Variants in MYH10 observed in about 807,000 individuals in gnomAD.
MYH10 encodes the protein myosin heavy chain 10, also known as myosin-10.
MYH10 carries 55 observed loss-of-function variants against 257.8 expected under a neutral mutation model. The ratio of observed to expected loss-of-function variants is 0.21; its 90% CI spans 0.17 to 0.27. MYH10 has a LOEUF of 0.27. MYH10 is among the 10% of genes least tolerant of loss of function. MYH10 has a pLI of 1.00. For missense variants in MYH10, 1,631 were observed against 2,500.6 expected (o/e 0.65, Z 7.42); for synonymous variants, 854 against 921.7 (o/e 0.93, Z 1.33).
At chr17:8,527,490 A>G (rs1200545672) in intron 17 of MYH10, among the ~76,000 whole-genome samples, 3 of 152,078 alleles carry the variant, frequency 2.0e-5, no homozygotes, top group Admixed American at 6.5e-5. Context: ...CATGTCCCCA[A>G]CTCATGCTGA....
At chr17:8,526,692 T>C (rs551054438) in intron 17 of MYH10, among the ~76,000 whole-genome samples, 32 of 152,224 alleles carry the variant, frequency 2.1e-4, no homozygotes, top group Non-Finnish European at 3.8e-4. Context: ...AACAGTTTCA[T>C]AGAAGGAATG....
Position 8,481,348 on chromosome 17 carries a change from G to A in MYH10, c.5238C>T (p.Asp1746=), listed in dbSNP as rs201394166. ...TGCCAGAGGCGCTGTTGGTGATCTC[G>A]TCCGCCAGCTCATCTCTCTCCTGCT... ...HAEQERDELA[D]EITNSASGKS... is the part of the protein sequence containing the mutation. Residue 1746 remains aspartate, a synonymous_variant, in exon 38 of 43, where the codon GAC becomes GAT. Coordinates refer to ENST00000360416, the MANE Select transcript of MYH10 (RefSeq NM_001256012.3). 2.9e-4 allele frequency: 465 copies of A among 1,613,906 alleles called. No homozygotes were observed. Among genetic ancestry groups the A allele is most frequent in the Non-Finnish European group, 3.9e-4 (459 of 1,180,026 alleles).
In MYH10 at chr17:8,476,966, G is replaced by A. The variant is rs766555239; in HGVS notation, c.5789C>T (p.Ser1930Phe). The A allele has an allele frequency of 5.0e-6, 8 of 1,614,112 alleles. No homozygotes were observed. In the East Asian group the frequency reaches 1.8e-4, roughly 36 times the overall value. The change falls in exon 42 of 43, where the codon TCT (serine) becomes TTT (phenylalanine). Residue 1930 changes from serine to phenylalanine, a missense_variant. Around this residue, in one of 11 missense-constraint regions of MYH10, gnomAD observed 343 missense variants for 389.5 expected, o/e 0.88. Coordinates refer to ENST00000360416, the MANE Select transcript of MYH10 (RefSeq NM_001256012.3). The part of the protein sequence containing the change: ...AEEEATRANA[S>F]RRKLQRELDD... ...CAGTTCCCGCTGGAGTTTACGCCGA[G>A]ATGCGTTGGCACGCGTCGCTTCTTC...
chr17:8,516,085 G>C (rs1181115639), intron 21 of MYH10, among the ~76,000 whole-genome samples: 1 of 152,170 alleles, frequency 6.6e-6, no homozygotes, highest in African/African-American at 2.4e-5. Context: ...AGTGGAATGA[G>C]GCAGCTGGTT....
At chr17:8,611,193 G>A (rs2085025424) in intron 2 of MYH10, among the ~76,000 whole-genome samples, 1 of 152,140 alleles carries the variant, frequency 6.6e-6, no homozygotes, top group Non-Finnish European at 1.5e-5. Context: ...TAAGAGTTAA[G>A]ACTATATGAG....
chr17:8,492,887 CA>C lies in MYH10; in HGVS notation c.4346del (p.Leu1449ArgfsTer40), dbSNP rs1339797844. The C allele has an allele frequency of 1.2e-6, 2 of 1,614,096 alleles. No homozygotes were observed. The highest frequency in any genetic ancestry group is 8.5e-7 in the Non-Finnish European group (1 of 1,180,006). On this transcript the variant is annotated frameshift_variant, in exon 33 of 43. Transcript: ENST00000360416. LOFTEE classifies it high-confidence loss of function. Reference sequence around the variant, plus strand: ...GCTGCAGGCGGTTCTTGGTCTTCTCCAGTTTGTCATACGCCAGTGCCTTCTC... The same window carrying C: ...GCTGCAGGCGGTTCTTGGTCTTCTCCGTTTGTCATACGCCAGTGCCTTCTC... ...LEEKALAYDK[L>X]EKTKNRLQQE...
intron 2 of MYH10, among the ~76,000 whole-genome samples, chr17:8,615,909 A>C (rs529971064): frequency 6.6e-6 from 1 of 152,228 alleles, no homozygotes; most frequent in Admixed American, 6.5e-5. Flanking sequence ...GACTGATACA[A>C]GGATGCCTCT....
intron 25 of MYH10, among the ~76,000 whole-genome samples, chr17:8,509,500 CCA>C (rs1252609523): frequency 5.3e-5 from 8 of 152,178 alleles, no homozygotes; most frequent in Non-Finnish European, 1.5e-5. Flanking sequence ...ATTCAGAGTC[CCA>C]CAGTCAATGG....
intron 7 of MYH10, among the ~76,000 whole-genome samples, chr17:8,557,626 T>C (rs79752231): frequency 0.051 from 7,697 of 152,226 alleles, 261 homozygotes; most frequent in Non-Finnish European, 0.078. Context: ...CAGAGGTGCA[T>C]TCCATGAAGG....
At chr17:8,486,799 T>C (rs1313626561) in intron 36 of MYH10, among the ~76,000 whole-genome samples, 2 of 152,192 alleles carry the variant, frequency 1.3e-5, no homozygotes, top group Admixed American at 6.5e-5. Context: ...TAGCAGTCCA[T>C]TGACATTTAG....
At chr17:8,595,177 G>A (rs2152059766) in intron 3 of MYH10, among the ~76,000 whole-genome samples, 1 of 152,272 alleles carries the variant, frequency 6.6e-6, no homozygotes, top group South Asian at 2.1e-4. Context: ...ATGACTATAG[G>A]ACATTCTCGA....
At chr17:8,489,786 G>C (rs879375079) in intron 35 of MYH10, among the ~76,000 whole-genome samples, 4 of 150,500 alleles carry the variant, frequency 2.7e-5, no homozygotes, top group Non-Finnish European at 5.9e-5. Context: ...GGAAGGGACT[G>C]GCAAAATACC....
intron 40 of MYH10, among the ~76,000 whole-genome samples, chr17:8,479,510 G>T (rs1159497624): frequency 6.6e-6 from 1 of 152,210 alleles, no homozygotes; most frequent in African/African-American, 2.4e-5. Context: ...GGAGTGGGAA[G>T]TCCTGGCACG....
chr17:8,604,501 C>T (rs937395660), intron 3 of MYH10, among the ~76,000 whole-genome samples: 1 of 152,110 alleles, frequency 6.6e-6, no homozygotes, highest in Admixed American at 6.5e-5. Context: ...ATTATTCTTC[C>T]TATTGGTTTT....
intron 4 of MYH10, 70 bp downstream of exon 4, chr17:8,589,011 C>A (rs972135048): frequency 4.1e-6 from 6 of 1,479,440 alleles, no homozygotes; most frequent in Admixed American, 3.4e-5. Flanking sequence ...TCCCCTCCCC[C>A]CAGACAAAAA....
chr17:8,505,749 G>A (rs1268013750), intron 27 of MYH10, among the ~76,000 whole-genome samples: 1 of 152,226 alleles, frequency 6.6e-6, no homozygotes. Flanking sequence ...GGGAGGCCAA[G>A]TCAGGTGGAT....
chr17:8,580,309 T>C (rs781492591), intron 4 of MYH10, among the ~76,000 whole-genome samples: 3 of 151,776 alleles, frequency 2.0e-5, no homozygotes, highest in African/African-American at 7.3e-5. Context: ...TTCAAATAGT[T>C]TTTTTCTGTT....
At chr17:8,487,719 G>C (rs1915111593) in intron 35 of MYH10, 125 bp from the exon 36 acceptor site, 3 of 1,099,826 alleles carry the variant, frequency 2.7e-6, no homozygotes, top group Non-Finnish European at 2.6e-6. Flanking sequence ...CTCTGTAGAG[G>C]TCTCTGTTAC....
chr17:8,521,729 T>C (rs911581471), intron 17 of MYH10, among the ~76,000 whole-genome samples: 1 of 152,158 alleles, frequency 6.6e-6, no homozygotes, highest in East Asian at 1.9e-4. Context: ...ACAAATAACC[T>C]CAGGGACTAG....
Sources: gnomAD v4.1 joint callset for allele counts (sites outside exome capture counted in the v4.1 genomes callset) on GRCh38, gnomAD v4.1.1 for gene constraint, gnomAD v4.1.1 regional missense constraint, MANE v1.5 for transcripts, NCBI Gene and HGNC (gene_info 2026-07-23, HGNC 2026-07-21) for gene names.